TSPOAP1: variants seen among roughly 807,000 people sequenced by gnomAD.
The protein encoded by TSPOAP1 is TSPO associated protein 1.
A neutral mutation model predicts 197.0 loss-of-function variants in TSPOAP1; 87 were observed. The ratio of observed to expected loss-of-function variants is 0.44; its 90% CI spans 0.37 to 0.53. TSPOAP1 has a LOEUF of 0.53. Ranked by LOEUF, TSPOAP1 falls within the 20% of genes least tolerant of loss-of-function variation. TSPOAP1 has a pLI of 0.00. For synonymous variants in TSPOAP1, 913 were observed against 998.9 expected, an observed-to-expected ratio of 0.91 and a Z score of 1.62; for missense variants, 2,174 against 2,411.3, an observed-to-expected ratio of 0.90 and a Z score of 2.06.
In TSPOAP1 at chr17:58,326,395, T is replaced by C; in HGVS notation, c.468A>G (p.Glu156=). ...TCCTCTTCAGCCTCCGCACCTTCTCTTCTGTCTCAGGGAAGCTGCTCTTCC... is the reference window on the plus strand; with the variant it reads ...TCCTCTTCAGCCTCCGCACCTTCTCCTCTGTCTCAGGGAAGCTGCTCTTCC... ...MLRKSSFPET[E]EKVRRLKRKN... The change falls in exon 3 of 32, where the codon GAA becomes GAG. Residue 156 remains glutamate (E), a synonymous_variant. Transcript: ENST00000343736. The surrounding 1 kb of genome is among the most constrained non-coding windows in gnomAD (Gnocchi z 4.7). 6.2e-7 allele frequency: 1 copy of C among 1,613,948 alleles called. No homozygotes were observed. Among genetic ancestry groups the C allele is most frequent in the Non-Finnish European group, 8.5e-7 (1 of 1,180,008 alleles).
At chr17:58,305,246 G>A in intron 29 of TSPOAP1, 75 bp from the exon 30 acceptor site, 1 of 1,470,980 alleles carries the variant, frequency 6.8e-7, no homozygotes, top group Non-Finnish European at 9.5e-7. Context: ...GATGCCCCTG[G>A]GGAACAGCTG....
intron 22 of TSPOAP1, 61 bp downstream of exon 22, chr17:58,308,480 C>G (rs764083290): frequency 2.0e-5 from 29 of 1,487,026 alleles, no homozygotes; most frequent in Non-Finnish European, 2.4e-5. Context: ...TGGTGGGCAG[C>G]AAGCAGGGCC....
intron 15 of TSPOAP1, 102 bp downstream of exon 15, chr17:58,316,323 T>C (rs1971232245): frequency 8.5e-7 from 1 of 1,181,074 alleles, no homozygotes; most frequent in Non-Finnish European, 1.2e-6. Context: ...TTGTGTCCTG[T>C]ACTGCCCCCA....
intron 11 of TSPOAP1, 127 bp downstream of exon 11, chr17:58,320,404 C>T (rs1361197090): frequency 8.4e-7 from 1 of 1,184,538 alleles, no homozygotes; most frequent in African/African-American, 1.6e-5. Flanking sequence ...CCCCCAGGTC[C>T]TGGAGCATTT....
In TSPOAP1 at chr17:58,307,878, C is replaced by G. The variant is rs144936306; in HGVS notation, c.4795G>C (p.Gly1599Arg). 1 of 1,613,658 alleles carries G rather than the reference C, an allele frequency of 6.2e-7. No homozygotes were observed. Among genetic ancestry groups the G allele is most frequent in the East Asian group, 2.2e-5 (1 of 44,890 alleles). Reference sequence around the variant, plus strand: ...GTGCTTGGCCTGAGGACTCGGACACCTCTCTTCTGGGGGCCCCTCCGCCCA... The same window carrying G: ...GTGCTTGGCCTGAGGACTCGGACACGTCTCTTCTGGGGGCCCCTCCGCCCA... ...GSGRRGPQKR[G>R]VRVLRPSTAE... The change falls in exon 23 of 32, where the codon GGT (glycine) becomes CGT (arginine). Residue 1599 changes from glycine to arginine, a missense_variant. Physicochemically the swap from Gly to Arg is moderately radical, Grantham distance 125. Transcript: ENST00000343736.
At chr17:58,305,344 G>C in intron 29 of TSPOAP1, 43 bp downstream of exon 29, 2 of 1,604,074 alleles carry the variant, frequency 1.2e-6, no homozygotes, top group East Asian at 2.2e-5. Context: ...TCCGAAGTCT[G>C]GGGGGCTGGG....
rs535758516 is a variant in TSPOAP1 at position 58,327,508 on chromosome 17, C to T, written c.333+80G>A. 2.1e-5 allele frequency: 31 copies of T among 1,456,228 alleles called. 1 individual carries two copies. The highest frequency in any genetic ancestry group is 9.2e-5 in the East Asian group (4 of 43,710). 90.2% of individuals were successfully genotyped at this position (1,456,228 alleles called of 1,614,324 possible). On this transcript the variant is annotated intron_variant, in intron 1 of 31. Transcript: ENST00000343736. ...AGGTGGGCATTGGGGATGCATACCTCGCCTCACCTCCTGGCCAGGCTGGAG... is the reference window on the plus strand; with the variant it reads ...AGGTGGGCATTGGGGATGCATACCTTGCCTCACCTCCTGGCCAGGCTGGAG...
At chr17:58,320,481 C>T (rs145763888) in intron 11 of TSPOAP1, 50 bp downstream of exon 11, 22 of 1,473,228 alleles carry the variant, frequency 1.5e-5, no homozygotes, top group South Asian at 4.2e-5. Context: ...GGAGGACCCC[C>T]GCCTTCCTCC....
chr17:58,322,169 G>A lies in TSPOAP1; in HGVS notation c.1422+139C>T, dbSNP rs1971421307. On this transcript the variant is annotated intron_variant, in intron 10 of 31. Transcript: ENST00000343736. The surrounding 1 kb of genome is among the most constrained non-coding windows in gnomAD (Gnocchi z 5.0). ...ACTCCTGGATGCTAATTTGCTGACT[G>A]CTCAGGGACCTGGTCTTTGTTCCCC... 2 of 799,924 alleles carry A rather than the reference G, an allele frequency of 2.5e-6. No individual in the cohort carries two copies. Among genetic ancestry groups the A allele is most frequent in the Non-Finnish European group, 4.0e-6 (2 of 501,512 alleles). The allele number at this position is 799,924 out of a possible 1,614,324, so 49.6% of individuals were successfully genotyped here. A position where few individuals can be genotyped will look rare whatever the true frequency, so the allele number is the denominator to read the frequency against.
chr17:58,305,572 G>A lies in TSPOAP1; in HGVS notation c.5329C>T (p.Pro1777Ser), dbSNP rs748612722. The A allele has an allele frequency of 1.3e-6, 2 of 1,586,394 alleles. No individual in the cohort carries two copies. The highest frequency in any genetic ancestry group is 1.7e-6 in the Non-Finnish European group (2 of 1,166,444). Residue 1777 changes from proline (P) to serine (S), a missense_variant, in exon 28 of 32, where the codon CCC becomes TCC. Coordinates refer to ENST00000343736, the MANE Select transcript of TSPOAP1 (RefSeq NM_004758.4). ...HSMVAAFDYN[P>S]QESSPNMDVE... The stretch of plus-strand genomic sequence containing the variant: ...TCCATATTGGGGGAACTCTCCTGGG[G>A]GTTGTAGTCAAATGCAGCCACCATG...
chr17:58,305,998 A>G, intron 26 of TSPOAP1, 133 bp from the exon 27 acceptor site: 1 of 977,196 alleles, frequency 1.0e-6, no homozygotes, highest in South Asian at 1.6e-5. Context: ...CATCTCCCCA[A>G]CCCTTTTGTG....
chr17:58,305,336 C>A, intron 29 of TSPOAP1, 51 bp downstream of exon 29: 2 of 1,598,128 alleles, frequency 1.3e-6, no homozygotes, highest in Non-Finnish European at 1.7e-6. Context: ...TCCCCCTGTC[C>A]GAAGTCTGGG....
At position 58,322,192 on chromosome 17, in the gene TSPOAP1, C is replaced by T; in HGVS notation, c.1422+116G>A. ...CTGCTCAGGGACCTGGTCTTTGTTC[C>T]CCACAGTCTCCCCGACGCCTAGCAC... is the stretch of plus-strand genomic sequence containing the variant. On this transcript the variant is annotated intron_variant, in intron 10 of 31. Transcript: ENST00000343736. This position sits in a 1 kb window ranked among gnomAD's most constrained non-coding sequence, Gnocchi z 5.0. 1 of 1,050,068 alleles carries T rather than the reference C, an allele frequency of 9.5e-7. No individual in the cohort carries two copies. Among genetic ancestry groups the T allele is most frequent in the Non-Finnish European group, 1.4e-6 (1 of 718,394 alleles). 65.0% of individuals were successfully genotyped at this position (1,050,068 alleles called of 1,614,324 possible). A position where few individuals can be genotyped will look rare whatever the true frequency, so the allele number is the denominator to read the frequency against.
At position 58,322,955 on chromosome 17, in the gene TSPOAP1, C is replaced by T; in HGVS notation, c.1189G>A (p.Glu397Lys). The T allele has an allele frequency of 6.2e-7, 1 of 1,610,274 alleles. No homozygotes were observed. The highest frequency in any genetic ancestry group is 8.5e-7 in the Non-Finnish European group (1 of 1,178,366). Reference protein sequence around the residue: ...SRLSGRATEKEQVEWENAELR... With the variant: ...SRLSGRATEKKQVEWENAELR... The stretch of plus-strand genomic sequence containing the variant: ...CACCTGGGCGGAAGTGGTACCTGCT[C>T]CTTCTCTGTGGCTCTCCCACTGAGC... The change falls in exon 8 of 32, where the codon GAG (glutamate) becomes AAG (lysine). Residue 397 changes from glutamate to lysine, a missense_variant. Glu to Lys is a moderately conservative substitution (Grantham distance 56). Transcript: ENST00000343736. The surrounding 1 kb of genome is among the most constrained non-coding windows in gnomAD (Gnocchi z 5.0).
chr17:58,306,520 G>A (rs1171089725), intron 25 of TSPOAP1, 107 bp from the exon 26 acceptor site: 31 of 1,127,488 alleles, frequency 2.7e-5, no homozygotes, highest in East Asian at 5.2e-5. Flanking sequence ...AGCTTGTTTC[G>A]TAAGGGCATT....
chr17:58,304,636 C>T lies in TSPOAP1; in HGVS notation c.5545-237G>A, dbSNP rs1195718887. The T allele has an allele frequency of 8.5e-6, 5 of 584,992 alleles. No homozygotes were observed. Among genetic ancestry groups the T allele is most frequent in the Middle Eastern group, 4.5e-4 (1 of 2,218 alleles). The allele number at this position is 584,992 out of a possible 1,614,324, so 36.2% of individuals were successfully genotyped here. On this transcript the variant is annotated intron_variant, in intron 30 of 31. Transcript: ENST00000343736. The surrounding 1 kb of genome is among the most constrained non-coding windows in gnomAD (Gnocchi z 4.2). Reference sequence around the variant, plus strand: ...CCCAAGGAGAGGCAAGCTCAAGGAACGAGAACCCAGGAAGCTGGGCCTGGC... The same window carrying T: ...CCCAAGGAGAGGCAAGCTCAAGGAATGAGAACCCAGGAAGCTGGGCCTGGC...
chr17:58,305,366 C>T (rs754572229), intron 29 of TSPOAP1, 21 bp downstream of exon 29: 3 of 1,613,074 alleles, frequency 1.9e-6, no homozygotes, highest in Non-Finnish European at 2.5e-6. Flanking sequence ...TATGGTACAC[C>T]CTCCCCAACA....
Position 58,322,192 on chromosome 17 carries a change from C to G in TSPOAP1, c.1422+116G>C. 1 of 1,050,068 alleles carries G rather than the reference C, an allele frequency of 9.5e-7. No individual in the cohort carries two copies. Among genetic ancestry groups the G allele is most frequent in the Non-Finnish European group, 1.4e-6 (1 of 718,394 alleles). 65.0% of individuals were successfully genotyped at this position (1,050,068 alleles called of 1,614,324 possible). A position where few individuals can be genotyped will look rare whatever the true frequency, so the allele number is the denominator to read the frequency against. ...CTGCTCAGGGACCTGGTCTTTGTTCCCCACAGTCTCCCCGACGCCTAGCAC... is the reference window on the plus strand; with the variant it reads ...CTGCTCAGGGACCTGGTCTTTGTTCGCCACAGTCTCCCCGACGCCTAGCAC... On this transcript the variant is annotated intron_variant, in intron 10 of 31. Transcript: ENST00000343736. The surrounding 1 kb of genome is among the most constrained non-coding windows in gnomAD (Gnocchi z 5.0).
In TSPOAP1 at chr17:58,322,565, C is replaced by G. The variant is rs1971433376; in HGVS notation, c.1317+89G>C. 1 of 1,578,004 alleles carries G rather than the reference C, an allele frequency of 6.3e-7. No homozygotes were observed. The highest frequency in any genetic ancestry group is 8.6e-7 in the Non-Finnish European group (1 of 1,164,714). ...GCAGCTCCAGGCCCAGGCCTCAGAG[C>G]TAGTGCCCCTCACTAAGAATATTCT... is the stretch of plus-strand genomic sequence containing the variant. On this transcript the variant is annotated intron_variant, in intron 9 of 31. Transcript: ENST00000343736. The surrounding 1 kb of genome is among the most constrained non-coding windows in gnomAD (Gnocchi z 5.0).
Sources: gnomAD v4.1 joint callset for allele counts on GRCh38, gnomAD v4.1.1 for gene constraint, Gnocchi (gnomAD v3.1) non-coding constraint, MANE v1.5 for transcripts, NCBI Gene and HGNC (gene_info 2026-07-23, HGNC 2026-07-21) for gene names.